Variants in DDR2 observed in about 807,000 individuals in gnomAD.
DDR2 encodes the protein discoidin domain-containing receptor 2.
In DDR2, 27 loss-of-function variants were observed where a neutral mutation model predicts 94.9. The observed-to-expected ratio is 0.28, with a 90% CI of 0.21 to 0.39. The LOEUF is 0.39. DDR2 is among the 10% of genes least tolerant of loss of function. DDR2 has a pLI of 1.00. For synonymous variants in DDR2, 382 were observed against 377.2 expected (o/e 1.01, Z -0.15); for missense variants, 783 against 1,076.0 (o/e 0.73, Z 3.81).
At chr1:162,700,357 T>C (rs975953436) in intron 2 of DDR2, among the ~76,000 whole-genome samples, 2 of 152,170 alleles carry the variant, frequency 1.3e-5, no homozygotes, top group Non-Finnish European at 2.9e-5. Flanking sequence ...GTGGACCCCA[T>C]GACTATGACC....
At chr1:162,738,063 C>G (rs1001295634) in intron 3 of DDR2, among the ~76,000 whole-genome samples, 3 of 151,062 alleles carry the variant, frequency 2.0e-5, no homozygotes, top group African/African-American at 4.9e-5. Flanking sequence ...GGGATGCCCT[C>G]TCTCACCGCT....
chr1:162,662,088 T>C (rs556179784), intron 2 of DDR2, among the ~76,000 whole-genome samples: 1 of 152,316 alleles, frequency 6.6e-6, no homozygotes, highest in East Asian at 1.9e-4. Flanking sequence ...TGGAATTCCC[T>C]AAGATGCAGA....
intron 2 of DDR2, among the ~76,000 whole-genome samples, chr1:162,692,317 G>A (rs1356288134): frequency 3.9e-5 from 6 of 152,188 alleles, no homozygotes; most frequent in Non-Finnish European, 8.8e-5. Context: ...GATTGATCAC[G>A]TGAATTCCAT....
At chr1:162,742,072 G>GT (rs1413984695) in intron 3 of DDR2, among the ~76,000 whole-genome samples, 2 of 152,176 alleles carry the variant, frequency 1.3e-5, no homozygotes, top group African/African-American at 4.8e-5. Context: ...TTGAGAATTT[G>GT]TTGCTTCATC....
intron 1 of DDR2, among the ~76,000 whole-genome samples, chr1:162,638,954 T>C (rs911160413): frequency 2.0e-5 from 3 of 152,156 alleles, no homozygotes; most frequent in Admixed American, 6.5e-5. Context: ...ACTGATTCTT[T>C]TTTTTTTTCT....
At chr1:162,702,031 CT>C (rs1334484780) in intron 2 of DDR2, among the ~76,000 whole-genome samples, 1 of 152,156 alleles carries the variant, frequency 6.6e-6, no homozygotes, top group Non-Finnish European at 1.5e-5. Flanking sequence ...ACTTTGCATC[CT>C]GGAGATACAG....
intron 7 of DDR2, among the ~76,000 whole-genome samples, chr1:162,759,297 A>T (rs1327626180): frequency 6.6e-6 from 1 of 152,204 alleles, no homozygotes; most frequent in Non-Finnish European, 1.5e-5. Flanking sequence ...AACAATGACA[A>T]TATGTAGTTA....
intron 2 of DDR2, among the ~76,000 whole-genome samples, chr1:162,661,363 G>C (rs1449472355): frequency 6.6e-6 from 1 of 152,170 alleles, no homozygotes. Context: ...TGTACAAGTT[G>C]GTTATAATAC....
At chr1:162,679,183 C>A (rs1489157272) in intron 2 of DDR2, among the ~76,000 whole-genome samples, 2 of 150,294 alleles carry the variant, frequency 1.3e-5, no homozygotes, top group African/African-American at 4.9e-5. Flanking sequence ...TTTTCTGATT[C>A]TCTCCCTCCT....
At chr1:162,729,703 C>T (rs1661923779) in intron 3 of DDR2, among the ~76,000 whole-genome samples, 1 of 151,220 alleles carries the variant, frequency 6.6e-6, no homozygotes, top group Non-Finnish European at 1.5e-5. Flanking sequence ...GTCAAGGAAA[C>T]TCCCAGGCTT....
At chr1:162,673,128 C>T (rs1281332825) in intron 2 of DDR2, among the ~76,000 whole-genome samples, 1 of 152,112 alleles carries the variant, frequency 6.6e-6, no homozygotes, top group East Asian at 1.9e-4. Context: ...ACAATCAGCT[C>T]AAATGTACTT....
rs1647735917 is a variant in DDR2, at chr1:162,778,827, C to T, written c.2433+98C>T. 3 of 1,479,606 alleles carry T rather than the reference C, an allele frequency of 2.0e-6. No individual in the cohort carries two copies. In the South Asian group the frequency reaches 3.5e-5, roughly 17 times the overall value. 91.7% of individuals were successfully genotyped at this position (1,479,606 alleles called of 1,614,324 possible). A position where few individuals can be genotyped will look rare whatever the true frequency, so the allele number is the denominator to read the frequency against. On this transcript the variant is annotated intron_variant, in intron 17 of 17. Coordinates refer to ENST00000367921, the MANE Select transcript of DDR2 (RefSeq NM_006182.4). ...AGCAGGAGTGGGCCGAGATGGAAGACAGACTATCCAGGTGTTAGTCTTTGT... is the reference window on the plus strand; with the variant it reads ...AGCAGGAGTGGGCCGAGATGGAAGATAGACTATCCAGGTGTTAGTCTTTGT...
chr1:162,742,687 A>G lies in DDR2; in HGVS notation c.83-10408A>G, dbSNP rs13376463. On this transcript the variant is annotated intron_variant, in intron 3 of 17. Transcript: ENST00000367921. The stretch of plus-strand genomic sequence containing the variant: ...TTGGGTGGGCACAAATATCCAAACT[A>G]TATCTGATGGTGTATTAATCCATTT... Among the ~76,000 whole-genome samples, 1,325 of 152,090 alleles carry G rather than the reference A, an allele frequency of 8.7e-3. 20 individuals carry two copies. Among genetic ancestry groups the G allele is most frequent in the African/African-American group, 0.031 (1,271 of 41,414 alleles).
intron 2 of DDR2, among the ~76,000 whole-genome samples, chr1:162,713,587 T>C (rs926326664): frequency 6.6e-6 from 1 of 152,166 alleles, no homozygotes; most frequent in African/African-American, 2.4e-5. Flanking sequence ...ATCATAAAAA[T>C]ATATAGTGTG....
At chr1:162,725,071 A>G (rs1278130054) in intron 3 of DDR2, among the ~76,000 whole-genome samples, 1 of 152,190 alleles carries the variant, frequency 6.6e-6, no homozygotes, top group East Asian at 1.9e-4. Context: ...GCAAAACTCA[A>G]AGAATATTCA....
At chr1:162,723,325 T>C (rs948338729) in intron 3 of DDR2, among the ~76,000 whole-genome samples, 1 of 152,114 alleles carries the variant, frequency 6.6e-6, no homozygotes, top group Admixed American at 6.5e-5. Context: ...TGAGTCAAGT[T>C]TTCCCTTATT....
intron 3 of DDR2, among the ~76,000 whole-genome samples, chr1:162,743,246 C>T (rs1173299901): frequency 6.6e-6 from 1 of 152,010 alleles, no homozygotes; most frequent in Non-Finnish European, 1.5e-5. Flanking sequence ...GAAGGGCCCT[C>T]TTGCCTTCAG....
chr1:162,651,296 C>T (rs1284861015), intron 1 of DDR2, among the ~76,000 whole-genome samples: 1 of 152,162 alleles, frequency 6.6e-6, no homozygotes, highest in Non-Finnish European at 1.5e-5. Context: ...TCTTCGATTA[C>T]CTGTGTGTTC....
chr1:162,733,464 G>T (rs1484764325), intron 3 of DDR2, among the ~76,000 whole-genome samples: 3 of 152,092 alleles, frequency 2.0e-5, no homozygotes. Context: ...CCATTTTCCT[G>T]TGCCTTTTCT....
Sources: gnomAD v4.1 joint callset for allele counts (sites outside exome capture counted in the v4.1 genomes callset) on GRCh38, gnomAD v4.1.1 for gene constraint, MANE v1.5 for transcripts, NCBI Gene and HGNC (gene_info 2026-07-23, HGNC 2026-07-21) for gene names.